The following FOXP2 variants were observed in gnomAD, a reference collection of about 807,000 sequenced individuals.
The protein encoded by FOXP2 is forkhead box protein P2.
Under a neutral mutation model 115.8 loss-of-function variants are expected in FOXP2, and 12 were observed. The ratio of observed to expected loss-of-function variants is 0.10; its 90% CI spans 0.07 to 0.17. The LOEUF (loss-of-function observed/expected upper bound fraction) is 0.17. Among genes scored for constraint, FOXP2 ranks in the 10% least tolerant of loss-of-function variants. The probability of loss-of-function intolerance (pLI) is 1.00; values close to 1 mark genes in which losing one functional copy is unlikely to be tolerated. For synonymous variants in FOXP2, 328 were observed against 297.7 expected (o/e 1.10, Z -1.05); for missense variants, 629 against 843.5 (o/e 0.75, Z 3.15).
intron 1 of FOXP2, among the ~76,000 whole-genome samples, chr7:114,204,105 T>C (rs1451071021): frequency 1.3e-5 from 2 of 152,190 alleles, no homozygotes; most frequent in Non-Finnish European, 2.9e-5. Context: ...GTTTACCTTT[T>C]CCTGTAGATC....
At position 114,629,936 on chromosome 7, in the gene FOXP2, G is replaced by GCAA. The variant is rs1201458908; in HGVS notation, c.534_536dup (p.Gln191dup). On this transcript the variant is annotated inframe_insertion, in exon 5 of 17. Transcript: ENST00000350908. ...AGCAGCAACAACAACAACAACAGCA[G>GCAA]CAACAACAGCAGCAGCAGCAGCAAC... The GCAA allele has an allele frequency of 1.2e-6, 2 of 1,609,560 alleles. No individual in the cohort carries two copies. Among genetic ancestry groups the GCAA allele is most frequent in the Admixed American group, 3.4e-5 (2 of 59,406 alleles).
intron 5 of FOXP2, 42 bp downstream of exon 5, chr7:114,630,047 T>A: frequency 6.2e-7 from 1 of 1,603,228 alleles, no homozygotes; most frequent in Non-Finnish European, 8.5e-7. Context: ...AGTTTGCAGT[T>A]AAGAAGGGGC....
intron 3 of FOXP2, among the ~76,000 whole-genome samples, chr7:114,595,458 A>G (rs1172591258): frequency 1.3e-5 from 2 of 152,086 alleles, no homozygotes; most frequent in East Asian, 1.9e-4. Flanking sequence ...TATAAAAAGT[A>G]ACTACTATTT....
intron 2 of FOXP2, among the ~76,000 whole-genome samples, chr7:114,455,570 T>G: frequency 6.6e-6 from 1 of 152,200 alleles, no homozygotes; most frequent in East Asian, 1.9e-4. Context: ...ATGGATAATC[T>G]TCAGCTCTGT....
At chr7:114,487,180 T>C (rs945060253) in intron 2 of FOXP2, among the ~76,000 whole-genome samples, 1 of 152,180 alleles carries the variant, frequency 6.6e-6, no homozygotes, top group African/African-American at 2.4e-5. Flanking sequence ...AGGCAGAGGT[T>C]CCCAAATCTA....
intron 1 of FOXP2, among the ~76,000 whole-genome samples, chr7:114,266,617 GC>G: frequency 6.6e-6 from 1 of 152,224 alleles, no homozygotes; most frequent in African/African-American, 2.4e-5. Context: ...CCATCCTTAT[GC>G]CCCCAGACAC....
intron 2 of FOXP2, among the ~76,000 whole-genome samples, chr7:114,399,114 C>T (rs796806550): frequency 7.1e-6 from 1 of 141,412 alleles, no homozygotes; most frequent in Non-Finnish European, 1.5e-5. Flanking sequence ...TTTTCTTTTT[C>T]TTTTTTTTTT....
intron 2 of FOXP2, among the ~76,000 whole-genome samples, chr7:114,339,564 T>C (rs935136153): frequency 7.9e-5 from 12 of 151,154 alleles, no homozygotes; most frequent in South Asian, 2.1e-4. Context: ...CCTGAAGCTT[T>C]ACTTTATTTC....
intron 2 of FOXP2, among the ~76,000 whole-genome samples, chr7:114,460,678 A>T (rs1401355847): frequency 6.6e-6 from 1 of 152,240 alleles, no homozygotes; most frequent in Non-Finnish European, 1.5e-5. Context: ...GAATAACATC[A>T]GTTACCTACA....
intron 7 of FOXP2, among the ~76,000 whole-genome samples, chr7:114,643,965 A>G (rs1037352326): frequency 6.6e-6 from 1 of 152,272 alleles, no homozygotes; most frequent in Non-Finnish European, 1.5e-5. Flanking sequence ...TAATTCAGTG[A>G]TGTTTCTGGC....
At chr7:114,642,784 A>G (rs1805617336) in intron 7 of FOXP2, among the ~76,000 whole-genome samples, 161 bp downstream of exon 7, 2 of 81,418 alleles carry the variant, frequency 2.5e-5, no homozygotes. Flanking sequence ...TATATAATAT[A>G]TATATATATA....
At position 114,642,437 on chromosome 7, in the gene FOXP2, A is replaced by G; in HGVS notation, c.803A>G (p.Gln268Arg). The change falls in exon 7 of 17, where the codon CAG (glutamine) becomes CGG (arginine). Residue 268 changes from glutamine to arginine, a missense_variant. By Grantham distance (43) the Gln-to-Arg change is conservative. This residue lies in a region of FOXP2 where 138 missense variants were observed against 205.1 expected (regional missense o/e 0.67). Transcript: ENST00000350908. The stretch of plus-strand genomic sequence containing the variant: ...GGCTTAAGTCCTGCTGAGATTCAGC[A>G]GTTATGGAAAGAAGTGACTGGAGTT... ...QAGLSPAEIQ[Q>R]LWKEVTGVHS... is the part of the protein sequence containing the mutation. 1 of 1,613,828 alleles carries G rather than the reference A, an allele frequency of 6.2e-7. No homozygotes were observed. Among genetic ancestry groups the G allele is most frequent in the Non-Finnish European group, 8.5e-7 (1 of 1,179,876 alleles).
At chr7:114,566,690 A>G (rs1439875218) in intron 3 of FOXP2, among the ~76,000 whole-genome samples, 2 of 152,228 alleles carry the variant, frequency 1.3e-5, no homozygotes, top group East Asian at 3.9e-4. Context: ...CTTTACAGCA[A>G]CATAAATGTA....
intron 2 of FOXP2, among the ~76,000 whole-genome samples, chr7:114,482,708 T>C (rs577765200): frequency 3.1e-4 from 47 of 151,680 alleles, no homozygotes; most frequent in Admixed American, 1.3e-3. Context: ...ACAGCACACA[T>C]GCTCAATTTG....
At chr7:114,669,630 T>C (rs1449171377) in intron 16 of FOXP2, 1 of 152,056 alleles carries the variant, frequency 6.6e-6, no homozygotes, top group Non-Finnish European at 1.5e-5. Flanking sequence ...TTAGGATTGA[T>C]GCTGTCTTTA....
At chr7:114,260,239 G>T (rs1430317056) in intron 1 of FOXP2, among the ~76,000 whole-genome samples, 1 of 140,538 alleles carries the variant, frequency 7.1e-6, no homozygotes, top group East Asian at 2.1e-4. Flanking sequence ...CAACAACACC[G>T]CCAAAAAACC....
intron 1 of FOXP2, among the ~76,000 whole-genome samples, chr7:114,131,555 CA>C (rs549023381): frequency 5.1e-5 from 7 of 137,594 alleles, no homozygotes; most frequent in Admixed American, 1.5e-4. Context: ...AAGGAATGTG[CA>C]AAAAAAAAAG....
intron 2 of FOXP2, among the ~76,000 whole-genome samples, chr7:114,385,970 G>A (rs553989713): frequency 1.3e-5 from 2 of 152,354 alleles, no homozygotes; most frequent in East Asian, 1.9e-4. Flanking sequence ...CGTGGGTCAC[G>A]GAAGAGAACC....
chr7:114,524,188 C>CT (rs1056683491), intron 2 of FOXP2, among the ~76,000 whole-genome samples: 1 of 151,774 alleles, frequency 6.6e-6, no homozygotes. Flanking sequence ...TAATATTGGC[C>CT]TTTTTTTCTG....
Sources: gnomAD v4.1 joint callset for allele counts (sites outside exome capture counted in the v4.1 genomes callset) on GRCh38, gnomAD v4.1.1 for gene constraint, gnomAD v4.1.1 regional missense constraint, MANE v1.5 for transcripts, NCBI Gene and HGNC (gene_info 2026-07-23, HGNC 2026-07-21) for gene names.